SLC44A3: variants seen among roughly 807,000 people sequenced by gnomAD.
SLC44A3 encodes the protein solute carrier family 44 member 3.
In SLC44A3, 74 loss-of-function variants were observed where a neutral mutation model predicts 75.4. That is an observed-to-expected ratio of 0.98 (90% confidence interval 0.81 to 1.19). The LOEUF (loss-of-function observed/expected upper bound fraction) is 1.19. Ranked by LOEUF, SLC44A3 falls within the 50% of genes most tolerant of loss-of-function variation. The pLI is 0.00. For synonymous variants in SLC44A3, 310 were observed against 296.9 expected, an observed-to-expected ratio of 1.04 and a Z score of -0.45; for missense variants, 700 against 778.6, an observed-to-expected ratio of 0.90 and a Z score of 1.20.
chr1:94,895,231 CT>C lies in SLC44A3; in HGVS notation c.*314del, dbSNP rs1323281957. On this transcript the variant is annotated 3_prime_UTR_variant, in exon 15 of 15. Transcript: ENST00000271227. ...GTAAGTGCACAACTAATAAATAAAC[CT>C]TTTTAAGATAAGGATTTTGTTAGCA... 10 of 205,162 alleles carry C rather than the reference CT, an allele frequency of 4.9e-5. No homozygotes were observed. The highest frequency in any genetic ancestry group is 3.8e-4 in the Admixed American group (7 of 18,216). The allele number at this position is 205,162 out of a possible 1,614,324, so 12.7% of individuals were successfully genotyped here.
chr1:94,880,679 G>T (rs1010943893), intron 12 of SLC44A3, among the ~76,000 whole-genome samples: 2 of 152,142 alleles, frequency 1.3e-5, no homozygotes, highest in African/African-American at 4.8e-5. Flanking sequence ...TGCAATATTT[G>T]AAGTATCTAA....
chr1:94,881,667 G>A (rs566989370), intron 12 of SLC44A3, among the ~76,000 whole-genome samples: 9 of 150,220 alleles, frequency 6.0e-5, no homozygotes, highest in African/African-American at 2.2e-4. Context: ...TCATGCCACT[G>A]CACTGAAGCC....
intron 12 of SLC44A3, among the ~76,000 whole-genome samples, chr1:94,885,447 G>A (rs148377979): frequency 1.4e-3 from 208 of 152,224 alleles, no homozygotes; most frequent in Non-Finnish European, 2.5e-3. Flanking sequence ...GGTGGAAGCC[G>A]TTCCGCAAGT....
chr1:94,849,360 A>G (rs1268113436), intron 9 of SLC44A3, among the ~76,000 whole-genome samples: 2 of 151,612 alleles, frequency 1.3e-5, no homozygotes. Context: ...CCCCTTCCCC[A>G]CCCCGCTGGG....
chr1:94,845,112 C>T (rs1473848874), intron 8 of SLC44A3, among the ~76,000 whole-genome samples, 166 bp from the exon 9 acceptor site: 1 of 152,134 alleles, frequency 6.6e-6, no homozygotes, highest in African/African-American at 2.4e-5. Context: ...TTACTAGATG[C>T]TCAGTTAGTG....
intron 5 of SLC44A3, among the ~76,000 whole-genome samples, chr1:94,830,398 A>G (rs549365090): frequency 6.6e-6 from 1 of 152,102 alleles, no homozygotes; most frequent in Non-Finnish European, 1.5e-5. Context: ...TTTTTAGTAG[A>G]GATGGGGTTT....
At chr1:94,894,572 C>T (rs1366823211) in intron 14 of SLC44A3, among the ~76,000 whole-genome samples, 2 of 151,292 alleles carry the variant, frequency 1.3e-5, no homozygotes, top group Non-Finnish European at 2.9e-5. Flanking sequence ...ATTCACCACC[C>T]CCATAAAATC....
intron 2 of SLC44A3, among the ~76,000 whole-genome samples, chr1:94,824,273 A>C (rs989264253): frequency 6.6e-6 from 1 of 152,216 alleles, no homozygotes; most frequent in Non-Finnish European, 1.5e-5. Flanking sequence ...AATCTGTTTC[A>C]GTGGATTAGA....
At chr1:94,881,894 C>G (rs1669042905) in intron 12 of SLC44A3, among the ~76,000 whole-genome samples, 1 of 151,402 alleles carries the variant, frequency 6.6e-6, no homozygotes, top group African/African-American at 2.4e-5. Flanking sequence ...GTGGCACGTG[C>G]CTGTAGTCCC....
chr1:94,827,762 T>C, intron 4 of SLC44A3, 119 bp downstream of exon 4: 1 of 1,253,876 alleles, frequency 8.0e-7, no homozygotes, highest in Non-Finnish European at 1.1e-6. Flanking sequence ...TACTTCCTTG[T>C]GGGTGCCTCT....
intron 12 of SLC44A3, among the ~76,000 whole-genome samples, chr1:94,870,515 G>A (rs116760187): frequency 0.011 from 1,656 of 152,240 alleles, 24 homozygotes; most frequent in African/African-American, 0.038. Context: ...CTGTAATTAG[G>A]GGAAATTTCC....
At chr1:94,842,208 T>C in intron 8 of SLC44A3, 84 bp downstream of exon 8, 1 of 1,474,830 alleles carries the variant, frequency 6.8e-7, no homozygotes, top group South Asian at 1.5e-5. Context: ...CAAAAACAAC[T>C]ATAATTTGTT....
intron 3 of SLC44A3, among the ~76,000 whole-genome samples, chr1:94,825,422 C>G (rs1282963574): frequency 6.6e-6 from 1 of 152,174 alleles, no homozygotes; most frequent in Non-Finnish European, 1.5e-5. Context: ...GCTCTGCCTC[C>G]CGGGTTCAAG....
chr1:94,847,958 G>T (rs1241413416), intron 9 of SLC44A3, among the ~76,000 whole-genome samples: 1 of 152,170 alleles, frequency 6.6e-6, no homozygotes, highest in Non-Finnish European at 1.5e-5. Context: ...GCCGGGTGCA[G>T]TGGCTCACGC....
intron 12 of SLC44A3, among the ~76,000 whole-genome samples, chr1:94,887,919 C>T (rs941499925): frequency 3.3e-5 from 5 of 152,176 alleles, no homozygotes; most frequent in East Asian, 3.9e-4. Context: ...CCTGCCACAC[C>T]TCCTCAGGTG....
intron 1 of SLC44A3, 30 bp downstream of exon 1, chr1:94,820,508 G>T: frequency 6.7e-7 from 1 of 1,487,462 alleles, no homozygotes; most frequent in East Asian, 2.8e-5. Flanking sequence ...GCCCTCGGGG[G>T]AGGAGCCCCG....
intron 5 of SLC44A3, among the ~76,000 whole-genome samples, chr1:94,831,768 A>G (rs1262629794): frequency 6.6e-6 from 1 of 152,202 alleles, no homozygotes; most frequent in Admixed American, 6.5e-5. Context: ...ATACCTGGTG[A>G]TCTAAATATA....
At chr1:94,843,493 C>G (rs891799543) in intron 8 of SLC44A3, 1 of 152,202 alleles carries the variant, frequency 6.6e-6, no homozygotes, top group Non-Finnish European at 1.5e-5. Flanking sequence ...CCTGCATGGT[C>G]AGGAGGCTGT....
intron 12 of SLC44A3, among the ~76,000 whole-genome samples, chr1:94,878,090 C>G (rs1036943482): frequency 1.1e-4 from 16 of 151,964 alleles, no homozygotes; most frequent in African/African-American, 3.1e-4. Flanking sequence ...AAAAATTAGC[C>G]GGGCGAGGTG....
Sources: gnomAD v4.1 joint callset for allele counts (sites outside exome capture counted in the v4.1 genomes callset) on GRCh38, gnomAD v4.1.1 for gene constraint, MANE v1.5 for transcripts, NCBI Gene and HGNC (gene_info 2026-07-23, HGNC 2026-07-21) for gene names.